The following SELENOH variants were observed in gnomAD, a reference collection of about 807,000 sequenced individuals.
SELENOH encodes chromosome 11 open reading frame 31.
SELENOH carries 13 observed loss-of-function variants against 11.9 expected under a neutral mutation model. The observed-to-expected ratio is 1.09, with a 90% CI of 0.71 to 1.74. SELENOH has a LOEUF of 1.74. Ranked by LOEUF, SELENOH falls within the 40% of genes most tolerant of loss-of-function variation. The probability of loss-of-function intolerance (pLI) is 0.00; values close to 1 mark genes in which losing one functional copy is unlikely to be tolerated. For synonymous variants in SELENOH, 96 were observed against 73.5 expected (o/e 1.31, Z -1.56); for missense variants, 223 against 170.3 (o/e 1.31, Z -1.72).
Position 57,741,821 on chromosome 11 carries a change from C to T in SELENOH, c.135C>T (p.Arg45=), listed in dbSNP as rs1304623461. The change falls in exon 2 of 4, where the codon CGC becomes CGT. Residue 45 remains arginine, a synonymous_variant. Coordinates refer to ENST00000534355, the MANE Select transcript of SELENOH (RefSeq NM_170746.4). The stretch of plus-strand genomic sequence containing the variant: ...CGTCTCTCCCTAGCACTAGCTGACG[C>T]GTCTATGGGCGCAACGCCGCGGCCC... The part of the protein sequence containing the change: ...TVVIEHCTSU[R]VYGRNAAALS... 1.2e-6 allele frequency: 2 copies of T among 1,605,954 alleles called. No homozygotes were observed. The highest frequency in any genetic ancestry group is 1.1e-5 in the South Asian group (1 of 89,828).
rs200643822 is a variant in SELENOH at position 57,742,179 on chromosome 11, C to T, written c.331C>T (p.Gln111Ter). The T allele has an allele frequency of 1.8e-4, 293 of 1,611,628 alleles. No homozygotes were observed. Among genetic ancestry groups the T allele is most frequent in the Non-Finnish European group, 2.4e-4 (278 of 1,179,056 alleles). ...PPRKLKFPEP[Q>*]EVVEELKKYL... is the part of the protein sequence containing the mutation. ...ACGCAAACTCAAATTCCCTGAGCCT[C>T]AAGAGGTGGTGGAAGAGTTGAAGAA... Residue 111 changes from glutamine to a stop codon, truncating the protein, a stop_gained, in exon 3 of 4, where the codon CAA becomes TAA. Transcript: ENST00000534355. LOFTEE classifies it high-confidence loss of function.
At chr11:57,742,012 G>A in intron 2 of SELENOH, 58 bp downstream of exon 2, 2 of 1,579,528 alleles carry the variant, frequency 1.3e-6, no homozygotes, top group East Asian at 2.3e-5. Context: ...CGTGGGTTCC[G>A]AAGACAGGAA....
At chr11:57,742,549 G>A (rs1211958684) in intron 3 of SELENOH, 1 of 336,658 alleles carries the variant, frequency 3.0e-6, no homozygotes, top group African/African-American at 2.1e-5. Context: ...TTTATTTCAT[G>A]TTACTTCATT....
At chr11:57,742,024 C>T (rs1055574325) in intron 2 of SELENOH, 70 bp downstream of exon 2, 2 of 1,582,218 alleles carry the variant, frequency 1.3e-6, no homozygotes, top group Non-Finnish European at 1.7e-6. Flanking sequence ...AGACAGGAAG[C>T]GCTATTCTTA....
chr11:57,741,734 G>C lies in SELENOH; in HGVS notation c.122+17G>C. Reference sequence around the variant, plus strand: ...CGAGCATTGGTGAGGGGCCTGGAGAGTAACGGGAGAGAGGGAACAGTGGCG... The same window carrying C: ...CGAGCATTGGTGAGGGGCCTGGAGACTAACGGGAGAGAGGGAACAGTGGCG... On this transcript the variant is annotated intron_variant, in intron 1 of 3. Transcript: ENST00000534355. 6.3e-7 allele frequency: 1 copy of C among 1,594,370 alleles called. No homozygotes were observed. The highest frequency in any genetic ancestry group is 8.5e-7 in the Non-Finnish European group (1 of 1,172,820).
chr11:57,741,631 C>G lies in SELENOH; in HGVS notation c.36C>G (p.Ala12=), dbSNP rs3741078. The G allele has an allele frequency of 7.8e-7, 1 of 1,285,582 alleles. No individual in the cohort carries two copies. Among genetic ancestry groups the G allele is most frequent in the Non-Finnish European group, 1.0e-6 (1 of 994,684 alleles). The allele number at this position is 1,285,582 out of a possible 1,614,324, so 79.6% of individuals were successfully genotyped here. A position where few individuals can be genotyped will look rare whatever the true frequency, so the allele number is the denominator to read the frequency against. The change falls in exon 1 of 4, where the codon GCC becomes GCG. Residue 12 remains alanine, a synonymous_variant. Coordinates refer to ENST00000534355, the MANE Select transcript of SELENOH (RefSeq NM_170746.4). The part of the protein sequence containing the change: ...APRGRKRKAE[A]AVVAVAEKRE... ...GCGGGAGGAAGCGTAAGGCTGAGGC[C>G]GCGGTGGTCGCCGTAGCCGAGAAGC...
chr11:57,742,340 C>T (rs1327233794), intron 3 of SELENOH, 93 bp downstream of exon 3: 2 of 881,530 alleles, frequency 2.3e-6, no homozygotes, highest in Non-Finnish European at 3.5e-6. Context: ...GCGTGGGTAG[C>T]TCACGCCTGC....
chr11:57,741,800 T>C lies in SELENOH; in HGVS notation c.123-9T>C. On this transcript the variant is annotated splice_polypyrimidine_tract_variant and intron_variant, in intron 1 of 3. Transcript: ENST00000534355. ...GGCCCCGGTTTCTAACCTCTCCGTC[T>C]CTCCCTAGCACTAGCTGACGCGTCT... 6.2e-7 allele frequency: 1 copy of C among 1,604,900 alleles called. No homozygotes were observed. The highest frequency in any genetic ancestry group is 8.5e-7 in the Non-Finnish European group (1 of 1,176,040).
At position 57,741,884 on chromosome 11, in the gene SELENOH, A is replaced by T; in HGVS notation, c.198A>T (p.Pro66=). Residue 66 remains proline, a synonymous_variant, in exon 2 of 4, where the codon CCA becomes CCT. Coordinates refer to ENST00000534355, the MANE Select transcript of SELENOH (RefSeq NM_170746.4). ...QALRLEAPEL[P]VKVNPTKPRR... is the part of the protein sequence containing the mutation. ...TGCGCCTGGAGGCCCCAGAGCTTCC[A>T]GTAAAGGTGAACCCGACGAAGCCCC... 1 of 1,596,642 alleles carries T rather than the reference A, an allele frequency of 6.3e-7. No individual in the cohort carries two copies. Among genetic ancestry groups the T allele is most frequent in the Non-Finnish European group, 8.5e-7 (1 of 1,175,312 alleles).
Position 57,743,401 on chromosome 11 carries a change from T to C in SELENOH, c.*569T>C, listed in dbSNP as rs961063277. On this transcript the variant is annotated 3_prime_UTR_variant, in exon 4 of 4. Transcript: ENST00000534355. ...CTCAAACTCCTGACCTCAAGTGATA[T>C]GCCTGCCTTGACCTCCCAAAGTGCT... 2.6e-5 allele frequency: 4 copies of C among 152,108 alleles called. No individual in the cohort carries two copies. The highest frequency in any genetic ancestry group is 4.1e-4 in the South Asian group (2 of 4,828). 9.4% of individuals were successfully genotyped at this position (152,108 alleles called of 1,614,324 possible).
chr11:57,741,550 C>T lies in SELENOH; in HGVS notation c.-46C>T. 1.6e-6 allele frequency: 2 copies of T among 1,242,946 alleles called. No homozygotes were observed. The highest frequency in any genetic ancestry group is 2.0e-6 in the Non-Finnish European group (2 of 986,968). 77.0% of individuals were successfully genotyped at this position (1,242,946 alleles called of 1,614,324 possible). ...TCCGCTCAGTGGTCGCGTCTCCGCCCCCCACCCACCAGTCCCGCTGCATTC... is the reference window on the plus strand; with the variant it reads ...TCCGCTCAGTGGTCGCGTCTCCGCCTCCCACCCACCAGTCCCGCTGCATTC... On this transcript the variant is annotated 5_prime_UTR_variant, in exon 1 of 4. Coordinates refer to ENST00000534355, the MANE Select transcript of SELENOH (RefSeq NM_170746.4).
chr11:57,741,649 C>A lies in SELENOH; in HGVS notation c.54C>A (p.Ala18=), dbSNP rs1276415506. The part of the protein sequence containing the change: ...RKAEAAVVAV[A]EKREKLANGG... The stretch of plus-strand genomic sequence containing the variant: ...CTGAGGCCGCGGTGGTCGCCGTAGC[C>A]GAGAAGCGAGAGAAGCTGGCGAACG... The change falls in exon 1 of 4, where the codon GCC becomes GCA. Residue 18 remains alanine, a synonymous_variant. Transcript: ENST00000534355. 8 of 1,424,072 alleles carry A rather than the reference C, an allele frequency of 5.6e-6. No individual in the cohort carries two copies. The highest frequency in any genetic ancestry group is 6.4e-6 in the Non-Finnish European group (7 of 1,087,422). 88.2% of individuals were successfully genotyped at this position (1,424,072 alleles called of 1,614,324 possible). A position where few individuals can be genotyped will look rare whatever the true frequency, so the allele number is the denominator to read the frequency against.
rs768337262 is a variant in SELENOH at position 57,742,185 on chromosome 11, G to A, written c.337G>A (p.Val113Met). ...ACTCAAATTCCCTGAGCCTCAAGAG[G>A]TGGTGGAAGAGTTGAAGAAGTACCT... ...RKLKFPEPQEVVEELKKYLS is the reference protein window; with the variant it reads ...RKLKFPEPQEMVEELKKYLS The change falls in exon 3 of 4, where the codon GTG becomes ATG. Residue 113 changes from valine (V) to methionine (M), a missense_variant. Coordinates refer to ENST00000534355, the MANE Select transcript of SELENOH (RefSeq NM_170746.4). 1 of 1,611,534 alleles carries A rather than the reference G, an allele frequency of 6.2e-7. No homozygotes were observed. The highest frequency in any genetic ancestry group is 1.1e-5 in the South Asian group (1 of 90,306).
chr11:57,742,121 G>C lies in SELENOH; in HGVS notation c.273G>C (p.Ala91=). 1 of 1,610,644 alleles carries C rather than the reference G, an allele frequency of 6.2e-7. No homozygotes were observed. The highest frequency in any genetic ancestry group is 1.1e-5 in the South Asian group (1 of 90,250). The part of the protein sequence containing the change: ...VTLLRPDGSS[A]ELWTGIKKGP... ...CGCTTCATTCTGGCCTTTCAGGTGC[G>C]GAGCTCTGGACTGGGATTAAGAAGG... Residue 91 remains alanine, a synonymous_variant, in exon 3 of 4, where the codon GCG becomes GCC. Coordinates refer to ENST00000534355, the MANE Select transcript of SELENOH (RefSeq NM_170746.4).
Position 57,742,225 on chromosome 11 carries a change from T to C in SELENOH, c.*8T>C. The C allele has an allele frequency of 6.3e-7, 1 of 1,599,928 alleles. No individual in the cohort carries two copies. Among genetic ancestry groups the C allele is most frequent in the Non-Finnish European group, 8.5e-7 (1 of 1,171,922 alleles). On this transcript the variant is annotated 3_prime_UTR_variant, in exon 3 of 4. Transcript: ENST00000534355. ...AAGAAGTACCTGTCGTAGGGAGATT[T>C]GGGTAGAAGCCCTCATGCTGAGGTT...
rs1949089478 is a variant in SELENOH at position 57,741,907 on chromosome 11, C to T, written c.221C>T (p.Pro74Leu). 4 of 1,593,394 alleles carry T rather than the reference C, an allele frequency of 2.5e-6. No individual in the cohort carries two copies. Among genetic ancestry groups the T allele is most frequent in the Non-Finnish European group, 3.4e-6 (4 of 1,174,398 alleles). Residue 74 changes from proline to leucine, a missense_variant, in exon 2 of 4, where the codon CCC becomes CTC. Pro to Leu is a moderately conservative substitution (Grantham distance 98). Transcript: ENST00000534355. Reference sequence around the variant, plus strand: ...CCAGTAAAGGTGAACCCGACGAAGCCCCGGAGGGGCAGCTTCGAGGTGACG... The same window carrying T: ...CCAGTAAAGGTGAACCCGACGAAGCTCCGGAGGGGCAGCTTCGAGGTGACG... ...ELPVKVNPTK[P>L]RRGSFEVTLL...
At position 57,741,904 on chromosome 11, in the gene SELENOH, A is replaced by G. The variant is rs1949089241; in HGVS notation, c.218A>G (p.Lys73Arg). The stretch of plus-strand genomic sequence containing the variant: ...CTTCCAGTAAAGGTGAACCCGACGA[A>G]GCCCCGGAGGGGCAGCTTCGAGGTG... The part of the protein sequence containing the change: ...PELPVKVNPT[K>R]PRRGSFEVTL... Residue 73 changes from lysine (K) to arginine (R), a missense_variant, in exon 2 of 4, where the codon AAG (lysine) becomes AGG (arginine). Lys to Arg is a conservative substitution (Grantham distance 26). Coordinates refer to ENST00000534355, the MANE Select transcript of SELENOH (RefSeq NM_170746.4). The G allele has an allele frequency of 1.3e-6, 2 of 1,594,546 alleles. No individual in the cohort carries two copies. Among genetic ancestry groups the G allele is most frequent in the South Asian group, 2.3e-5 (2 of 87,964 alleles).
chr11:57,742,147 G>A lies in SELENOH; in HGVS notation c.299G>A (p.Gly100Glu). 1 of 1,612,010 alleles carries A rather than the reference G, an allele frequency of 6.2e-7. No homozygotes were observed. The highest frequency in any genetic ancestry group is 8.5e-7 in the Non-Finnish European group (1 of 1,179,152). The change falls in exon 3 of 4, where the codon GGG becomes GAG. Residue 100 changes from glycine to glutamate, a missense_variant. Coordinates refer to ENST00000534355, the MANE Select transcript of SELENOH (RefSeq NM_170746.4). ...GAGCTCTGGACTGGGATTAAGAAGG[G>A]GCCCCCACGCAAACTCAAATTCCCT... ...SAELWTGIKK[G>E]PPRKLKFPEP...
chr11:57,741,580 C>T lies in SELENOH; in HGVS notation c.-16C>T, dbSNP rs562627998. The T allele has an allele frequency of 3.2e-5, 40 of 1,259,258 alleles. No homozygotes were observed. In the South Asian group the frequency reaches 1.4e-3, roughly 43 times the overall value. 78.0% of individuals were successfully genotyped at this position (1,259,258 alleles called of 1,614,324 possible). A position where few individuals can be genotyped will look rare whatever the true frequency, so the allele number is the denominator to read the frequency against. The stretch of plus-strand genomic sequence containing the variant: ...CCCACCAGTCCCGCTGCATTCTCGG[C>T]CGGGCTCTAGGCGCCATGGCTCCCC... On this transcript the variant is annotated 5_prime_UTR_variant, in exon 1 of 4. Transcript: ENST00000534355.
Sources: allele counts gnomAD v4.1 joint callset, GRCh38; gene constraint gnomAD v4.1.1; transcripts MANE v1.5; gene names NCBI Gene and HGNC (gene_info 2026-07-23, HGNC 2026-07-21).